The following SCIN variants were observed in gnomAD, a reference collection of about 807,000 sequenced individuals.
SCIN encodes adseverin.
A neutral mutation model predicts 91.8 loss-of-function variants in SCIN; 91 were observed. The observed-to-expected ratio is 0.99, with a 90% CI of 0.84 to 1.18. The LOEUF (loss-of-function observed/expected upper bound fraction) is 1.18, where lower values mean the gene tolerates loss of function less well. Among genes scored for constraint, SCIN ranks in the 50% most tolerant of loss-of-function variants. The pLI, the probability that SCIN is intolerant of heterozygous loss-of-function variation, is 0.00. For synonymous variants in SCIN, 367 were observed against 312.6 expected (o/e 1.17, Z -1.84); for missense variants, 1,087 against 863.9 (o/e 1.26, Z -3.24).
intron 4 of SCIN, among the ~76,000 whole-genome samples, chr7:12,605,984 G>A (rs565052507): frequency 1.3e-5 from 2 of 152,224 alleles, no homozygotes; most frequent in East Asian, 1.9e-4. Context: ...ATATTGCAGT[G>A]ACTACCTAAG....
intron 1 of SCIN, among the ~76,000 whole-genome samples, chr7:12,572,929 A>T (rs1359547175): frequency 6.6e-6 from 1 of 152,198 alleles, no homozygotes; most frequent in African/African-American, 2.4e-5. Flanking sequence ...ACAAAAAGTG[A>T]TATAACACAG....
At chr7:12,578,038 T>G in intron 1 of SCIN, 26 bp from the exon 2 acceptor site, 2 of 1,506,184 alleles carry the variant, frequency 1.3e-6, no homozygotes, top group Non-Finnish European at 1.8e-6. Flanking sequence ...GCTTGATAAT[T>G]GAGGTGCTGT....
At chr7:12,626,326 C>T (rs1222900944) in intron 7 of SCIN, 2 of 442,138 alleles carry the variant, frequency 4.5e-6, no homozygotes, top group East Asian at 4.1e-5. Context: ...GGTCACAGAG[C>T]TCTTGTGAAC....
intron 9 of SCIN, among the ~76,000 whole-genome samples, 154 bp from the exon 10 acceptor site, chr7:12,635,891 C>T (rs1783741056): frequency 6.6e-6 from 1 of 152,078 alleles, no homozygotes; most frequent in Non-Finnish European, 1.5e-5. Flanking sequence ...TGTTAGATAC[C>T]TTGACAAAAA....
intron 11 of SCIN, among the ~76,000 whole-genome samples, chr7:12,641,941 T>C (rs774342536): frequency 1.3e-5 from 2 of 152,098 alleles, no homozygotes; most frequent in Admixed American, 6.5e-5. Context: ...TCTGCATCTG[T>C]GTATATATTC....
Position 12,636,244 on chromosome 7 carries a change from A to G in SCIN, c.1410+109A>G. On this transcript the variant is annotated intron_variant, in intron 10 of 15. Coordinates refer to ENST00000297029, the MANE Select transcript of SCIN (RefSeq NM_001112706.3). ...GATAGAAATTTGACATTTTCTTGAT[A>G]TGAACTGTGTTTTCATTTTGAAATT... is the stretch of plus-strand genomic sequence containing the variant. The G allele has an allele frequency of 4.2e-6, 3 of 707,162 alleles. 1 individual carries two copies. Among genetic ancestry groups the G allele is most frequent in the South Asian group, 3.8e-5 (2 of 52,932 alleles). 43.8% of individuals were successfully genotyped at this position (707,162 alleles called of 1,614,324 possible). A position where few individuals can be genotyped will look rare whatever the true frequency, so the allele number is the denominator to read the frequency against.
rs757594992 is a variant in SCIN, at chr7:12,654,574, A to G, written c.*1859A>G. The G allele has an allele frequency of 6.6e-6, 1 of 152,202 alleles. No homozygotes were observed. Among genetic ancestry groups the G allele is most frequent in the Non-Finnish European group, 1.5e-5 (1 of 68,030 alleles). 9.4% of individuals were successfully genotyped at this position (152,202 alleles called of 1,614,324 possible). A position where few individuals can be genotyped will look rare whatever the true frequency, so the allele number is the denominator to read the frequency against. On this transcript the variant is annotated 3_prime_UTR_variant, in exon 16 of 16. Coordinates refer to ENST00000297029, the MANE Select transcript of SCIN (RefSeq NM_001112706.3). ...ATAAATATCTTCTGGGTCAAGCTGA[A>G]TATTTTTTGAAGGATGATGAGAATA...
intron 8 of SCIN, among the ~76,000 whole-genome samples, chr7:12,627,468 G>T (rs935409259): frequency 6.6e-6 from 1 of 152,056 alleles, no homozygotes; most frequent in African/African-American, 2.4e-5. Context: ...CCACAGAGTT[G>T]TTCATTTACT....
At chr7:12,601,756 T>A (rs1261860605) in intron 3 of SCIN, among the ~76,000 whole-genome samples, 1 of 152,242 alleles carries the variant, frequency 6.6e-6, no homozygotes, top group Non-Finnish European at 1.5e-5. Context: ...CATTTTTTTG[T>A]GCAAACACAG....
chr7:12,594,024 C>T (rs1487187885), intron 3 of SCIN, among the ~76,000 whole-genome samples: 1 of 152,106 alleles, frequency 6.6e-6, no homozygotes, highest in Admixed American at 6.5e-5. Context: ...TGTAAGAGAT[C>T]GTAGAAGGAG....
At chr7:12,642,430 A>C (rs1198548284) in intron 11 of SCIN, among the ~76,000 whole-genome samples, 2 of 151,900 alleles carry the variant, frequency 1.3e-5, no homozygotes, top group Non-Finnish European at 2.9e-5. Flanking sequence ...TTCTTTAAAA[A>C]CTGTGTCTTG....
chr7:12,587,740 T>C (rs1782619210), intron 3 of SCIN, among the ~76,000 whole-genome samples: 1 of 152,196 alleles, frequency 6.6e-6, no homozygotes, highest in African/African-American at 2.4e-5. Context: ...GACAAATCAA[T>C]TGGAAGGGAA....
At chr7:12,575,239 CT>C (rs545984242) in intron 1 of SCIN, among the ~76,000 whole-genome samples, 124 of 136,830 alleles carry the variant, frequency 9.1e-4, no homozygotes, top group East Asian at 2.6e-3. Flanking sequence ...GGAGAGTTTT[CT>C]TTTTTTTTTT....
chr7:12,602,384 C>A (rs1280819325), intron 3 of SCIN, among the ~76,000 whole-genome samples: 2 of 152,194 alleles, frequency 1.3e-5, no homozygotes, highest in Non-Finnish European at 2.9e-5. Context: ...GGTCTATGTT[C>A]AGCTGTGCAC....
chr7:12,589,995 AT>A (rs56357458), intron 3 of SCIN, among the ~76,000 whole-genome samples: 52,813 of 151,948 alleles, frequency 0.35, 9,639 homozygotes, highest in Middle Eastern at 0.44. Context: ...TAAGGATCCC[AT>A]TTGCCCTTTC....
intron 3 of SCIN, among the ~76,000 whole-genome samples, chr7:12,600,730 T>C (rs931941658): frequency 3.9e-5 from 6 of 152,202 alleles, no homozygotes; most frequent in African/African-American, 1.4e-4. Context: ...TGGCACACAC[T>C]GGTTGAATGC....
intron 4 of SCIN, among the ~76,000 whole-genome samples, chr7:12,616,860 C>A (rs1783309533): frequency 6.6e-6 from 1 of 152,092 alleles, no homozygotes; most frequent in African/African-American, 2.4e-5. Context: ...ATATCATATT[C>A]CTTTTTCTCA....
At chr7:12,612,325 A>C (rs942739847) in intron 4 of SCIN, among the ~76,000 whole-genome samples, 1 of 152,172 alleles carries the variant, frequency 6.6e-6, no homozygotes, top group African/African-American at 2.4e-5. Flanking sequence ...CCATTTACCG[A>C]CTTACCATTC....
chr7:12,636,450 C>T (rs1229734419), intron 10 of SCIN, among the ~76,000 whole-genome samples: 1 of 152,166 alleles, frequency 6.6e-6, no homozygotes, highest in Non-Finnish European at 1.5e-5. Flanking sequence ...ATTACTGTTT[C>T]CAGCTGTTGT....
Sources: gnomAD v4.1 joint callset for allele counts (sites outside exome capture counted in the v4.1 genomes callset) on GRCh38, gnomAD v4.1.1 for gene constraint, MANE v1.5 for transcripts, NCBI Gene and HGNC (gene_info 2026-07-23, HGNC 2026-07-21) for gene names.